The following GRIN3A variants were observed in gnomAD, a reference collection of about 807,000 sequenced individuals.
GRIN3A encodes glutamate receptor ionotropic, NMDA 3A.
Under a neutral mutation model 92.4 loss-of-function variants are expected in GRIN3A, and 47 were observed. The ratio of observed to expected loss-of-function variants is 0.51; its 90% CI spans 0.40 to 0.65. The LOEUF is 0.65. Among genes scored for constraint, GRIN3A ranks in the 30% least tolerant of loss-of-function variants. The pLI, the probability that GRIN3A is intolerant of heterozygous loss-of-function variation, is 0.00. For missense variants in GRIN3A, 1,324 were observed against 1,393.1 expected, an observed-to-expected ratio of 0.95 and a Z score of 0.79; for synonymous variants, 527 against 540.6, an observed-to-expected ratio of 0.97 and a Z score of 0.35.
chr9:101,635,266 G>A (rs545515805), intron 3 of GRIN3A, among the ~76,000 whole-genome samples: 2 of 148,478 alleles, frequency 1.3e-5, no homozygotes, highest in Admixed American at 6.7e-5. Context: ...AGCAAATTAC[G>A]GTCTATGGGC....
intron 6 of GRIN3A, among the ~76,000 whole-genome samples, chr9:101,579,939 C>T (rs1219383927): frequency 6.6e-6 from 1 of 152,096 alleles, no homozygotes; most frequent in Non-Finnish European, 1.5e-5. Flanking sequence ...TGGTTTTGGC[C>T]AACTTGTGGG....
chr9:101,709,835 A>C (rs918330395), intron 1 of GRIN3A, among the ~76,000 whole-genome samples: 2 of 152,216 alleles, frequency 1.3e-5, no homozygotes, highest in South Asian at 2.1e-4. Flanking sequence ...GAAGTGAAAC[A>C]CTCTAGCCTG....
At chr9:101,701,285 T>C (rs1660818247) in intron 1 of GRIN3A, among the ~76,000 whole-genome samples, 2 of 152,106 alleles carry the variant, frequency 1.3e-5, no homozygotes, top group South Asian at 4.1e-4. Flanking sequence ...TAAACGTATG[T>C]CATGGGGGTT....
intron 1 of GRIN3A, among the ~76,000 whole-genome samples, chr9:101,709,430 G>A (rs1288452725): frequency 6.6e-6 from 1 of 152,176 alleles, no homozygotes; most frequent in Non-Finnish European, 1.5e-5. Context: ...TTTTGTGGAG[G>A]CAGCAGAGCC....
chr9:101,589,241 G>T (rs924791922), intron 6 of GRIN3A, among the ~76,000 whole-genome samples: 1 of 152,136 alleles, frequency 6.6e-6, no homozygotes, highest in Non-Finnish European at 1.5e-5. Flanking sequence ...CCAAAGTGCT[G>T]GGATTAAAGA....
intron 1 of GRIN3A, among the ~76,000 whole-genome samples, chr9:101,718,664 C>T (rs1303643382): frequency 6.6e-6 from 1 of 152,164 alleles, no homozygotes; most frequent in Non-Finnish European, 1.5e-5. Context: ...CACTGAATCA[C>T]ATAGTGAGAA....
chr9:101,665,300 G>A (rs2146801), intron 3 of GRIN3A, among the ~76,000 whole-genome samples: 51,125 of 151,450 alleles, frequency 0.34, 9,495 homozygotes, highest in Non-Finnish European at 0.42. Context: ...GTTTTAGGGC[G>A]CACAATTATA....
intron 3 of GRIN3A, among the ~76,000 whole-genome samples, chr9:101,642,766 A>G (rs1301820703): frequency 7.2e-5 from 11 of 152,126 alleles, no homozygotes; most frequent in Non-Finnish European, 1.5e-5. Flanking sequence ...TCTTAGGAGC[A>G]TGAACCCTAT....
intron 4 of GRIN3A, among the ~76,000 whole-genome samples, chr9:101,627,864 T>C (rs185314573): frequency 1.1e-3 from 166 of 152,340 alleles, no homozygotes; most frequent in Middle Eastern, 0.01. Context: ...TTTAGAGATA[T>C]ATTCACTGGG....
chr9:101,662,517 T>C (rs570239617), intron 3 of GRIN3A, among the ~76,000 whole-genome samples: 1 of 151,880 alleles, frequency 6.6e-6, no homozygotes, highest in Non-Finnish European at 1.5e-5. Flanking sequence ...TATTAGCTTT[T>C]CTTTTATTAT....
intron 3 of GRIN3A, among the ~76,000 whole-genome samples, chr9:101,634,055 C>G (rs1038485496): frequency 6.6e-6 from 1 of 151,964 alleles, no homozygotes; most frequent in East Asian, 1.9e-4. Context: ...TCCTCCTGGC[C>G]GGGCATGGTG....
rs903880471 is a variant in GRIN3A at position 101,671,205 on chromosome 9, T to C, written c.1305-98A>G. ...GCTTCCTTGTCTTAATAAAAATAAA[T>C]TCGAATTTTTATTTAAAAAGACAGT... On this transcript the variant is annotated intron_variant, in intron 2 of 8. Transcript: ENST00000361820. 13 of 867,242 alleles carry C rather than the reference T, an allele frequency of 1.5e-5. No individual in the cohort carries two copies. In the African/African-American group the frequency reaches 2.2e-4, roughly 14 times the overall value. 53.7% of individuals were successfully genotyped at this position (867,242 alleles called of 1,614,324 possible). A position where few individuals can be genotyped will look rare whatever the true frequency, so the allele number is the denominator to read the frequency against.
At chr9:101,584,865 A>G (rs1827930897) in intron 6 of GRIN3A, among the ~76,000 whole-genome samples, 1 of 152,192 alleles carries the variant, frequency 6.6e-6, no homozygotes, top group African/African-American at 2.4e-5. Flanking sequence ...TCGAGTAGTG[A>G]CTAGTTCTCA....
intron 3 of GRIN3A, 120 bp downstream of exon 3, chr9:101,669,940 T>C: frequency 5.2e-6 from 4 of 775,120 alleles, no homozygotes; most frequent in Non-Finnish European, 8.7e-6. Context: ...CTAGTCTCTA[T>C]ACTTGGCTGA....
At chr9:101,709,580 T>C (rs1353447378) in intron 1 of GRIN3A, among the ~76,000 whole-genome samples, 1 of 152,212 alleles carries the variant, frequency 6.6e-6, no homozygotes, top group Admixed American at 6.5e-5. Context: ...GGACTTAAAA[T>C]CAGAAAATTT....
intron 3 of GRIN3A, 106 bp from the exon 4 acceptor site, chr9:101,628,507 C>G (rs10819955): frequency 0.23 from 255,966 of 1,136,760 alleles, 29,795 homozygotes; most frequent in Non-Finnish European, 0.25. Flanking sequence ...CGGAACTTTT[C>G]TAACCCCCAC....
chr9:101,576,507 A>G (rs866971971), intron 8 of GRIN3A, among the ~76,000 whole-genome samples: 22 of 152,352 alleles, frequency 1.4e-4, no homozygotes, highest in Middle Eastern at 3.4e-3. Flanking sequence ...AGATGTGAAT[A>G]TGAATCATAT....
intron 5 of GRIN3A, among the ~76,000 whole-genome samples, chr9:101,616,967 A>G (rs1463530968): frequency 2.0e-5 from 3 of 151,332 alleles, no homozygotes; most frequent in Non-Finnish European, 4.4e-5. Context: ...TTGGGAGGCC[A>G]AGGTGGCCGG....
At chr9:101,630,966 T>C (rs1481529678) in intron 3 of GRIN3A, among the ~76,000 whole-genome samples, 1 of 152,224 alleles carries the variant, frequency 6.6e-6, no homozygotes. Context: ...CCATTTAACT[T>C]ATATGCATTC....
Sources: allele counts gnomAD v4.1 joint callset (sites outside exome capture counted in the v4.1 genomes callset), GRCh38; gene constraint gnomAD v4.1.1; transcripts MANE v1.5; gene names NCBI Gene and HGNC (gene_info 2026-07-23, HGNC 2026-07-21).